PCSK5: variants seen among roughly 807,000 people sequenced by gnomAD.
PCSK5 encodes the protein proprotein convertase subtilisin/kexin type 5, also known as prohormone convertase 5.
In PCSK5, 129 loss-of-function variants were observed where a neutral mutation model predicts 233.2. That is an observed-to-expected ratio of 0.55 (90% CI 0.48 to 0.64). The LOEUF (loss-of-function observed/expected upper bound fraction) is 0.64. PCSK5 is among the 30% of genes least tolerant of loss of function. The probability of loss-of-function intolerance (pLI) is 0.00; values close to 1 mark genes in which losing one functional copy is unlikely to be tolerated. For synonymous variants in PCSK5, 825 were observed against 879.2 expected (o/e 0.94, Z 1.09); for missense variants, 2,076 against 2,430.1 (o/e 0.85, Z 3.06).
chr9:76,187,086 G>GTTTCT (rs1824139407), intron 17 of PCSK5, among the ~76,000 whole-genome samples: 1 of 152,064 alleles, frequency 6.6e-6, no homozygotes, highest in Non-Finnish European at 1.5e-5. Flanking sequence ...GACTGTTCGG[G>GTTTCT]TTTCTTTTTT....
chr9:76,288,965 A>G (rs1256060929), intron 24 of PCSK5, among the ~76,000 whole-genome samples: 1 of 152,176 alleles, frequency 6.6e-6, no homozygotes, highest in Non-Finnish European at 1.5e-5. Context: ...ATGGCATAGA[A>G]TGTAAATTGG....
intron 5 of PCSK5, among the ~76,000 whole-genome samples, chr9:76,065,806 G>T (rs1472460673): frequency 6.6e-6 from 1 of 151,894 alleles, no homozygotes; most frequent in Non-Finnish European, 1.5e-5. Flanking sequence ...ATTTTAATTT[G>T]ATTTCCATAT....
At chr9:75,934,103 G>A (rs776528389) in intron 2 of PCSK5, among the ~76,000 whole-genome samples, 4 of 152,142 alleles carry the variant, frequency 2.6e-5, no homozygotes, top group East Asian at 1.9e-4. Flanking sequence ...TGCGTGATCC[G>A]ACAGAGACCT....
chr9:76,150,232 C>T (rs1190468740), intron 10 of PCSK5, among the ~76,000 whole-genome samples: 1 of 152,174 alleles, frequency 6.6e-6, no homozygotes, highest in Non-Finnish European at 1.5e-5. Context: ...TATCTGGAAA[C>T]TTTCCATGTG....
chr9:76,094,713 G>A (rs1831434682), intron 7 of PCSK5, among the ~76,000 whole-genome samples: 1 of 151,994 alleles, frequency 6.6e-6, no homozygotes. Context: ...AGGTTCAAGC[G>A]ATTCTCGTGC....
chr9:76,118,749 C>CAT lies in PCSK5; in HGVS notation c.1208+11406_1208+11407dup, dbSNP rs1381237304. Among the ~76,000 whole-genome samples, 4 of 151,846 alleles carry CAT rather than the reference C, an allele frequency of 2.6e-5. No individual in the cohort carries two copies. In the South Asian group the frequency reaches 8.3e-4, roughly 32 times the overall value. ...CATCAAAATAACACATTTTACAAAA[C>CAT]ATATATATAAATCATGCAGACATGT... is the stretch of plus-strand genomic sequence containing the variant. On this transcript the variant is annotated intron_variant, in intron 9 of 37. Coordinates refer to ENST00000674117, the MANE Select transcript of PCSK5 (RefSeq NM_001372043.1).
chr9:76,070,450 A>T (rs1830445196), intron 6 of PCSK5, among the ~76,000 whole-genome samples: 1 of 152,222 alleles, frequency 6.6e-6, no homozygotes, highest in Non-Finnish European at 1.5e-5. Context: ...ATGGAGGGGA[A>T]TGGAATGTTG....
intron 20 of PCSK5, chr9:76,195,663 C>A (rs931368449): frequency 1.3e-5 from 2 of 152,162 alleles, no homozygotes; most frequent in Admixed American, 1.3e-4. Flanking sequence ...AATGCTCTAA[C>A]CTTCTAGAGA....
At chr9:76,165,799 T>C (rs773243849) in intron 12 of PCSK5, among the ~76,000 whole-genome samples, 40 of 152,366 alleles carry the variant, frequency 2.6e-4, no homozygotes, top group Non-Finnish European at 5.4e-4. Flanking sequence ...AATGTTGGCA[T>C]GTGTCTGATC....
At chr9:76,259,362 G>A (rs1433784015) in intron 24 of PCSK5, among the ~76,000 whole-genome samples, 1 of 151,490 alleles carries the variant, frequency 6.6e-6, no homozygotes, top group African/African-American at 2.4e-5. Context: ...AATGTGGCTG[G>A]GTCCTTCCTG....
At chr9:76,051,206 C>T (rs1247996826) in intron 5 of PCSK5, among the ~76,000 whole-genome samples, 3 of 152,144 alleles carry the variant, frequency 2.0e-5, no homozygotes, top group Non-Finnish European at 4.4e-5. Context: ...TCTGACATCT[C>T]ACATTTCTCA....
rs552592359 is a variant in PCSK5, at chr9:76,024,740, C to T, written c.555+859C>T. On this transcript the variant is annotated intron_variant, in intron 4 of 37. Coordinates refer to ENST00000674117, the MANE Select transcript of PCSK5 (RefSeq NM_001372043.1). Reference sequence around the variant, plus strand: ...AAAAAATTCTCCAGAATTATCTGTGCAATTAGCATGATTGGTGCCCTCTCG... The same window carrying T: ...AAAAAATTCTCCAGAATTATCTGTGTAATTAGCATGATTGGTGCCCTCTCG... Among the ~76,000 whole-genome samples, 6 of 152,272 alleles carry T rather than the reference C, an allele frequency of 3.9e-5. No homozygotes were observed. The East Asian group carries it at 1.2e-3, about 29-fold the overall frequency.
At chr9:75,912,442 A>C (rs934191141) in intron 1 of PCSK5, among the ~76,000 whole-genome samples, 2 of 152,172 alleles carry the variant, frequency 1.3e-5, no homozygotes, top group Non-Finnish European at 2.9e-5. Flanking sequence ...TGCTTTTCAC[A>C]CTTTCATGTG....
intron 20 of PCSK5, among the ~76,000 whole-genome samples, chr9:76,211,244 T>C (rs1825319070): frequency 6.6e-6 from 1 of 152,240 alleles, no homozygotes; most frequent in Non-Finnish European, 1.5e-5. Context: ...TGAATGTTAC[T>C]ATCAACATCC....
intron 17 of PCSK5, among the ~76,000 whole-genome samples, chr9:76,185,338 A>G (rs1339714017): frequency 6.6e-6 from 1 of 152,182 alleles, no homozygotes; most frequent in Non-Finnish European, 1.5e-5. Flanking sequence ...GCTCAAATTA[A>G]CTAGGTAGCC....
intron 1 of PCSK5, among the ~76,000 whole-genome samples, chr9:75,895,366 G>A (rs1193717073): frequency 6.6e-6 from 1 of 152,176 alleles, no homozygotes; most frequent in Non-Finnish European, 1.5e-5. Context: ...GAGGAGAAAG[G>A]TCAAAATAAT....
intron 24 of PCSK5, among the ~76,000 whole-genome samples, chr9:76,267,417 A>G (rs187728402): frequency 2.8e-4 from 42 of 152,274 alleles, no homozygotes; most frequent in African/African-American, 9.6e-4. Flanking sequence ...TTTCTACTTT[A>G]TGTGTGATTG....
In PCSK5 at chr9:76,351,475, A is replaced by G. The variant is rs1401963167; in HGVS notation, c.5067+547A>G. ...AAGAAAGAAAGAAAGAAAGAAAGAA[A>G]GAAAGAAAGAAAGAAAGAAAGAAAG... On this transcript the variant is annotated intron_variant, in intron 36 of 37. Transcript: ENST00000674117. 2.9e-4 allele frequency among the ~76,000 whole-genome samples: 21 copies of G among 72,020 alleles called. 2 individuals are homozygous for G. The highest frequency in any genetic ancestry group is 8.9e-4 in the African/African-American group (21 of 23,506). The allele number at this position is 72,020 out of a possible 152,430, so 47.2% of individuals were successfully genotyped here.
intron 5 of PCSK5, among the ~76,000 whole-genome samples, chr9:76,033,328 T>C (rs955666079): frequency 6.6e-6 from 1 of 152,220 alleles, no homozygotes; most frequent in African/African-American, 2.4e-5. Context: ...TGGCCAAATA[T>C]GTTAAGATAA....
Sources: allele counts gnomAD v4.1 joint callset (sites outside exome capture counted in the v4.1 genomes callset), GRCh38; gene constraint gnomAD v4.1.1; transcripts MANE v1.5; gene names NCBI Gene and HGNC (gene_info 2026-07-23, HGNC 2026-07-21).